The following RHAG variants were observed in gnomAD, a reference collection of about 807,000 sequenced individuals.
RHAG encodes the protein Rh associated glycoprotein, also known as ammonium transporter Rh type A.
RHAG carries 25 observed loss-of-function variants against 42.4 expected under a neutral mutation model. That is an observed-to-expected ratio of 0.59 (90% CI 0.43 to 0.82). The LOEUF is 0.82. Ranked by LOEUF, RHAG falls within the 40% of genes least tolerant of loss-of-function variation. The pLI, the probability that RHAG is intolerant of heterozygous loss-of-function variation, is 0.00. For missense variants in RHAG, 483 were observed against 504.6 expected (o/e 0.96, Z 0.41); for synonymous variants, 182 against 177.7 (o/e 1.02, Z -0.19).
intron 4 of RHAG, 95 bp from the exon 5 acceptor site, chr6:49,614,948 G>T (rs1388475807): frequency 2.5e-6 from 3 of 1,183,248 alleles, no homozygotes; most frequent in Non-Finnish European, 3.6e-6. Context: ...TTATTTATTT[G>T]TTTATTTATT....
At chr6:49,629,990 G>A (rs1166526670) in intron 1 of RHAG, among the ~76,000 whole-genome samples, 2 of 152,212 alleles carry the variant, frequency 1.3e-5, no homozygotes, top group African/African-American at 4.8e-5. Context: ...CCAGAAAGAG[G>A]TTCCCACAGT....
At chr6:49,618,293 C>G (rs1429252349) in intron 2 of RHAG, 75 bp from the exon 3 acceptor site, 14 of 1,516,204 alleles carry the variant, frequency 9.2e-6, no homozygotes, top group Non-Finnish European at 1.3e-5. Context: ...ATCCCATCTC[C>G]CACCAGGCAC....
chr6:49,612,099 TAAC>T (rs74892260), intron 6 of RHAG, among the ~76,000 whole-genome samples: 6 of 151,974 alleles, frequency 3.9e-5, no homozygotes, highest in African/African-American at 7.3e-5. Flanking sequence ...ATAAGACAAA[TAAC>T]AACAACAACT....
At chr6:49,605,946 G>A (rs933196532) in intron 9 of RHAG, 116 bp from the exon 10 acceptor site, 1 of 882,590 alleles carries the variant, frequency 1.1e-6, no homozygotes, top group Admixed American at 1.8e-5. Context: ...AAAGAACTGG[G>A]AATAAAAATT....
chr6:49,618,391 T>C (rs895810887), intron 2 of RHAG, among the ~76,000 whole-genome samples, 173 bp from the exon 3 acceptor site: 24 of 152,250 alleles, frequency 1.6e-4, no homozygotes, highest in Admixed American at 2.6e-4. Context: ...CTCTAATGTA[T>C]ATATTTTAAC....
intron 7 of RHAG, 138 bp from the exon 8 acceptor site, chr6:49,607,358 C>A (rs1000952255): frequency 4.1e-6 from 3 of 730,262 alleles, no homozygotes; most frequent in Admixed American, 2.0e-5. Flanking sequence ...GCATTTGTTA[C>A]AATTTTTCTT....
chr6:49,628,449 A>T (rs1415602529), intron 1 of RHAG, among the ~76,000 whole-genome samples: 1 of 152,082 alleles, frequency 6.6e-6, no homozygotes, highest in African/African-American at 2.4e-5. Flanking sequence ...GGTCTCACTG[A>T]CTTCAAGAAT....
At chr6:49,607,395 T>C (rs374839598) in intron 7 of RHAG, among the ~76,000 whole-genome samples, 175 bp from the exon 8 acceptor site, 10 of 152,354 alleles carry the variant, frequency 6.6e-5, no homozygotes, top group African/African-American at 2.4e-4. Context: ...TTTGAAACTC[T>C]TGAGCAGTGT....
intron 1 of RHAG, among the ~76,000 whole-genome samples, chr6:49,621,178 C>T (rs1762752354): frequency 6.6e-6 from 1 of 152,166 alleles, no homozygotes; most frequent in African/African-American, 2.4e-5. Flanking sequence ...GGCTTGTCTA[C>T]TGCAGTGGAT....
intron 5 of RHAG, 27 bp downstream of exon 5, chr6:49,614,660 T>A: frequency 6.2e-7 from 1 of 1,611,940 alleles, no homozygotes; most frequent in Non-Finnish European, 8.5e-7. Flanking sequence ...GAAGCAAAAT[T>A]TCCATGAGGG....
At position 49,614,776 on chromosome 6, in the gene RHAG, T is replaced by A; in HGVS notation, c.718A>T (p.Ile240Phe). The change falls in exon 5 of 10, where the codon ATT becomes TTT. Residue 240 changes from isoleucine to phenylalanine, a missense_variant. Coordinates refer to ENST00000371175, the MANE Select transcript of RHAG (RefSeq NM_000324.3). ...GCGAGAGAGAAGTACGTGTTTACAA[T>A]GGCCCTGCACTGTTTGTCTCCAGGT... ...AEPGDKQCRA[I>F]VNTYFSLAAC... 1 of 1,614,172 alleles carries A rather than the reference T, an allele frequency of 6.2e-7. No individual in the cohort carries two copies. Among genetic ancestry groups the A allele is most frequent in the Non-Finnish European group, 8.5e-7 (1 of 1,180,028 alleles).
At chr6:49,628,613 G>C (rs554303401) in intron 1 of RHAG, among the ~76,000 whole-genome samples, 1 of 151,030 alleles carries the variant, frequency 6.6e-6, no homozygotes, top group Non-Finnish European at 1.5e-5. Flanking sequence ...GCAGACCTTC[G>C]CGGTGAGTAT....
chr6:49,626,913 G>A (rs1762853168), intron 1 of RHAG, among the ~76,000 whole-genome samples: 2 of 152,270 alleles, frequency 1.3e-5, no homozygotes, highest in Admixed American at 1.3e-4. Context: ...AGCCGGAGCT[G>A]TACATTGACC....
chr6:49,619,848 G>A (rs1487548991), intron 1 of RHAG, among the ~76,000 whole-genome samples: 1 of 152,202 alleles, frequency 6.6e-6, no homozygotes, highest in Non-Finnish European at 1.5e-5. Context: ...TCCATCTCCT[G>A]CACTAGATTG....
intron 7 of RHAG, among the ~76,000 whole-genome samples, chr6:49,607,561 C>A (rs540194328): frequency 9.2e-5 from 14 of 152,236 alleles, no homozygotes; most frequent in African/African-American, 3.4e-4. Context: ...CTGTCAGTTT[C>A]TTTTCTAGGA....
chr6:49,619,047 TAA>T (rs1762706053), intron 2 of RHAG, 130 bp downstream of exon 2: 1 of 982,410 alleles, frequency 1.0e-6, no homozygotes, highest in South Asian at 1.4e-5. Context: ...ATCCCATTCA[TAA>T]ACACTCTGCC....
chr6:49,618,337 C>T (rs142420092), intron 2 of RHAG, 119 bp from the exon 3 acceptor site: 1 of 1,004,496 alleles, frequency 1.0e-6, no homozygotes, highest in African/African-American at 1.6e-5. Flanking sequence ...CATCATCTCC[C>T]ACTTCCTTAT....
At chr6:49,616,388 G>A (rs1011231405) in intron 3 of RHAG, among the ~76,000 whole-genome samples, 8 of 148,028 alleles carry the variant, frequency 5.4e-5, no homozygotes, top group South Asian at 2.1e-4. Flanking sequence ...TACTGCTTGC[G>A]ATACAAAATG....
chr6:49,630,858 C>A (rs534026994), intron 1 of RHAG, among the ~76,000 whole-genome samples: 5 of 152,144 alleles, frequency 3.3e-5, no homozygotes, highest in African/African-American at 1.2e-4. Flanking sequence ...CCCAGACTGT[C>A]TTTTTATAAA....
Sources: gnomAD v4.1 joint callset for allele counts (sites outside exome capture counted in the v4.1 genomes callset) on GRCh38, gnomAD v4.1.1 for gene constraint, MANE v1.5 for transcripts, NCBI Gene and HGNC (gene_info 2026-07-23, HGNC 2026-07-21) for gene names.